ACSS3: variants seen among roughly 807,000 people sequenced by gnomAD.
ACSS3 encodes acyl-CoA synthetase short-chain family member 3, mitochondrial.
ACSS3 carries 64 observed loss-of-function variants against 84.2 expected under a neutral mutation model. The observed-to-expected ratio is 0.76, with a 90% CI of 0.62 to 0.94. The LOEUF (loss-of-function observed/expected upper bound fraction) is 0.94, where lower values mean the gene tolerates loss of function less well. Ranked by LOEUF, ACSS3 falls within the 40% of genes least tolerant of loss-of-function variation. The probability of loss-of-function intolerance (pLI) is 0.00; values close to 1 mark genes in which losing one functional copy is unlikely to be tolerated. For missense variants in ACSS3, 815 were observed against 867.6 expected (o/e 0.94, Z 0.76); for synonymous variants, 317 against 310.1 (o/e 1.02, Z -0.23).
At chr12:81,155,617 G>A (rs1431371682) in intron 7 of ACSS3, among the ~76,000 whole-genome samples, 1 of 152,182 alleles carries the variant, frequency 6.6e-6, no homozygotes, top group Non-Finnish European at 1.5e-5. Context: ...CTCACACTCT[G>A]CTGGTCATTA....
intron 2 of ACSS3, among the ~76,000 whole-genome samples, chr12:81,122,940 G>A (rs142824991): frequency 1.3e-5 from 2 of 152,196 alleles, no homozygotes; most frequent in East Asian, 1.9e-4. Flanking sequence ...ATTTTAAATA[G>A]GAATTTGTAA....
intron 12 of ACSS3, among the ~76,000 whole-genome samples, chr12:81,232,923 T>C (rs901155839): frequency 6.6e-6 from 1 of 151,752 alleles, no homozygotes; most frequent in Non-Finnish European, 1.5e-5. Context: ...TCCTAACCCA[T>C]ATTAATAAAC....
chr12:81,190,719 T>C (rs967056708), intron 8 of ACSS3, among the ~76,000 whole-genome samples: 4 of 151,974 alleles, frequency 2.6e-5, no homozygotes, highest in Non-Finnish European at 5.9e-5. Context: ...TTAAGGAAAA[T>C]GATTTTAGCG....
chr12:81,116,711 A>T (rs1415727647), intron 2 of ACSS3, among the ~76,000 whole-genome samples: 1 of 152,098 alleles, frequency 6.6e-6, no homozygotes, highest in Non-Finnish European at 1.5e-5. Context: ...CACAGTAGCT[A>T]ATGTAGGCCT....
intron 9 of ACSS3, among the ~76,000 whole-genome samples, chr12:81,203,904 G>T (rs764836037): frequency 2.0e-4 from 30 of 152,130 alleles, no homozygotes; most frequent in Non-Finnish European, 3.8e-4. Context: ...CAGAGATAGA[G>T]AAACAGAGGT....
chr12:81,131,319 G>C (rs975606982), intron 2 of ACSS3, among the ~76,000 whole-genome samples: 16 of 152,126 alleles, frequency 1.1e-4, no homozygotes, highest in African/African-American at 3.9e-4. Context: ...GTGGTTTGTA[G>C]TTCTCCTTGA....
intron 1 of ACSS3, among the ~76,000 whole-genome samples, chr12:81,105,169 C>G (rs1882876640): frequency 6.6e-6 from 1 of 152,176 alleles, no homozygotes; most frequent in Non-Finnish European, 1.5e-5. Flanking sequence ...GAGTTTGGAA[C>G]TACCTGACAA....
At chr12:81,176,189 TA>T (rs1209332030) in intron 8 of ACSS3, among the ~76,000 whole-genome samples, 3 of 152,112 alleles carry the variant, frequency 2.0e-5, no homozygotes, top group African/African-American at 7.2e-5. Flanking sequence ...AACAGAAATG[TA>T]AAAAATCCTG....
chr12:81,241,879 A>G (rs1447995218), intron 13 of ACSS3, among the ~76,000 whole-genome samples: 2 of 151,940 alleles, frequency 1.3e-5, no homozygotes, highest in Admixed American at 6.6e-5. Context: ...TGTTGCCATT[A>G]CTTTTGGTGT....
intron 2 of ACSS3, among the ~76,000 whole-genome samples, chr12:81,126,064 A>G (rs1004996244): frequency 3.9e-5 from 6 of 152,188 alleles, no homozygotes; most frequent in African/African-American, 1.2e-4. Context: ...GGGTTAGTCT[A>G]AACTCGATGG....
chr12:81,097,567 A>G (rs377201380), intron 1 of ACSS3, among the ~76,000 whole-genome samples: 1 of 152,272 alleles, frequency 6.6e-6, no homozygotes, highest in African/African-American at 2.4e-5. Context: ...GTTTCAAAAC[A>G]CTATAAATGA....
chr12:81,087,702 G>GC (rs373986101), intron 1 of ACSS3, among the ~76,000 whole-genome samples: 70 of 151,978 alleles, frequency 4.6e-4, no homozygotes, highest in Middle Eastern at 6.8e-3. Flanking sequence ...CAATTGAGAG[G>GC]CAAGTATTTT....
chr12:81,121,942 T>TTATTA (rs1336166033), intron 2 of ACSS3, among the ~76,000 whole-genome samples: 1 of 150,572 alleles, frequency 6.6e-6, no homozygotes, highest in African/African-American at 2.4e-5. Context: ...ATTATTATTA[T>TTATTA]TATTATTTTG....
intron 3 of ACSS3, among the ~76,000 whole-genome samples, chr12:81,135,454 A>G (rs1374966056): frequency 6.9e-6 from 1 of 144,800 alleles, no homozygotes; most frequent in East Asian, 1.9e-4. Context: ...ATAATAATAT[A>G]TAAAATAAAA....
chr12:81,114,798 G>C (rs972725051), intron 2 of ACSS3, among the ~76,000 whole-genome samples: 1 of 152,010 alleles, frequency 6.6e-6, no homozygotes, highest in Non-Finnish European at 1.5e-5. Flanking sequence ...ATTCAGATAG[G>C]AGAACAGATC....
chr12:81,254,812 G>A, intron 15 of ACSS3, 45 bp from the exon 16 acceptor site: 1 of 1,411,122 alleles, frequency 7.1e-7, no homozygotes, highest in Non-Finnish European at 9.9e-7. Flanking sequence ...AAGAGTAGAA[G>A]AAATTCAAGG....
intron 13 of ACSS3, among the ~76,000 whole-genome samples, chr12:81,244,324 T>TGATA (rs2033912806): frequency 6.6e-6 from 1 of 152,104 alleles, no homozygotes; most frequent in African/African-American, 2.4e-5. Context: ...AATTTGAGTA[T>TGATA]GATATGCCTA....
intron 12 of ACSS3, among the ~76,000 whole-genome samples, chr12:81,232,127 T>A (rs1470509178): frequency 6.6e-6 from 1 of 151,816 alleles, no homozygotes; most frequent in Non-Finnish European, 1.5e-5. Context: ...CAGGGAAGAT[T>A]TGTCAGTATA....
chr12:81,171,026 T>C (rs758420936), intron 7 of ACSS3, among the ~76,000 whole-genome samples: 16 of 152,160 alleles, frequency 1.1e-4, no homozygotes, highest in Admixed American at 2.0e-4. Context: ...ATATAAGTCC[T>C]CTGTTTATTA....
Sources: allele counts gnomAD v4.1 joint callset (sites outside exome capture counted in the v4.1 genomes callset), GRCh38; gene constraint gnomAD v4.1.1; transcripts MANE v1.5; gene names NCBI Gene and HGNC (gene_info 2026-07-23, HGNC 2026-07-21).